The following LARGE1 variants were observed in gnomAD, a reference collection of about 807,000 sequenced individuals.
LARGE1 encodes xylosyl- and glucuronyltransferase LARGE1.
LARGE1 carries 43 observed loss-of-function variants against 87.6 expected under a neutral mutation model. The observed-to-expected ratio is 0.49, with a 90% CI of 0.38 to 0.63. LARGE1 has a LOEUF of 0.63. Ranked by LOEUF, LARGE1 falls within the 30% of genes least tolerant of loss-of-function variation. LARGE1 has a pLI of 0.00. For synonymous variants in LARGE1, 434 were observed against 394.6 expected (o/e 1.10, Z -1.18); for missense variants, 802 against 1,000.2 (o/e 0.80, Z 2.67).
Position 33,880,459 on chromosome 22 carries a change from G to A in LARGE1, c.-83+39536C>T, listed in dbSNP as rs2064642985. 2.6e-5 allele frequency among the ~76,000 whole-genome samples: 4 copies of A among 152,298 alleles called. No individual in the cohort carries two copies. In the South Asian group the frequency reaches 8.3e-4, roughly 32 times the overall value. On this transcript the variant is annotated intron_variant, in intron 1 of 14. Coordinates refer to ENST00000397394, the MANE Select transcript of LARGE1 (RefSeq NM_133642.5). The stretch of plus-strand genomic sequence containing the variant: ...TAATTGAGAAATGTACTATATTCCA[G>A]AGCCAGAAGAGACAGAGATAAGGCC...
chr22:33,768,129 G>A (rs775405622), intron 1 of LARGE1, among the ~76,000 whole-genome samples: 1 of 152,098 alleles, frequency 6.6e-6, no homozygotes, highest in Non-Finnish European at 1.5e-5. Context: ...CTAACACAGT[G>A]AAACCCCATA....
At position 33,672,293 on chromosome 22, in the gene LARGE1, G is replaced by A. The variant is rs1044329774; in HGVS notation, c.107-21625C>T. 5.3e-5 allele frequency among the ~76,000 whole-genome samples: 8 copies of A among 152,158 alleles called. No individual in the cohort carries two copies. The East Asian group carries it at 1.2e-3, about 22-fold the overall frequency. On this transcript the variant is annotated intron_variant, in intron 2 of 14. Transcript: ENST00000397394. The stretch of plus-strand genomic sequence containing the variant: ...TCACAACACCTCCCTCAGAAAAACC[G>A]AAAATTGCAGCAAGAAAAGCTATCC...
At chr22:33,615,777 G>A (rs1346942131) in intron 4 of LARGE1, among the ~76,000 whole-genome samples, 1 of 151,262 alleles carries the variant, frequency 6.6e-6, no homozygotes. Flanking sequence ...TATTTGATAA[G>A]CAACCTGTAT....
At chr22:33,557,633 T>C (rs533104576) in intron 6 of LARGE1, among the ~76,000 whole-genome samples, 1 of 152,344 alleles carries the variant, frequency 6.6e-6, no homozygotes, top group South Asian at 2.1e-4. Context: ...TGGTGCAATC[T>C]TGGCTCACTG....
the LARGE1 span, among the ~76,000 whole-genome samples, chr22:33,077,632 A>G: frequency 6.6e-6 from 1 of 152,176 alleles, no homozygotes; most frequent in Non-Finnish European, 1.5e-5. Context: ...ATAGAAAGAG[A>G]AGGGGTATTT....
chr22:33,488,683 A>G (rs1289473199), intron 6 of LARGE1, among the ~76,000 whole-genome samples: 2 of 152,198 alleles, frequency 1.3e-5, no homozygotes, highest in Non-Finnish European at 2.9e-5. Flanking sequence ...CTCACCTACT[A>G]TCATTTGCCC....
chr22:33,497,105 A>T (rs1363707019), intron 6 of LARGE1, among the ~76,000 whole-genome samples: 7 of 139,002 alleles, frequency 5.0e-5, no homozygotes, highest in Admixed American at 2.3e-4. Flanking sequence ...ACGGAGTCTC[A>T]CTCTGTCACC....
chr22:33,288,807 T>C (rs1932012973), intron 12 of LARGE1, among the ~76,000 whole-genome samples: 1 of 152,166 alleles, frequency 6.6e-6, no homozygotes, highest in Non-Finnish European at 1.5e-5. Context: ...GCTGACACAG[T>C]CTCTTCCTTA....
At chr22:33,313,873 G>C (rs1007287132) in intron 11 of LARGE1, among the ~76,000 whole-genome samples, 9 of 152,172 alleles carry the variant, frequency 5.9e-5, no homozygotes, top group African/African-American at 1.4e-4. Context: ...GACCCATAGT[G>C]GCCACAAGGT....
chr22:33,375,451 C>T (rs2064959973), intron 9 of LARGE1, among the ~76,000 whole-genome samples: 2 of 152,044 alleles, frequency 1.3e-5, no homozygotes, highest in Admixed American at 1.3e-4. Context: ...AGTTTGAGAC[C>T]AGCCTGGCAT....
At chr22:33,561,378 T>C (rs2077854705) in intron 6 of LARGE1, among the ~76,000 whole-genome samples, 1 of 152,174 alleles carries the variant, frequency 6.6e-6, no homozygotes, top group African/African-American at 2.4e-5. Context: ...AGGTGTAAAC[T>C]GAACACAGGT....
intron 1 of LARGE1, among the ~76,000 whole-genome samples, chr22:33,863,594 CAAAA>C (rs530225749): frequency 8.2e-6 from 1 of 122,102 alleles, no homozygotes; most frequent in Non-Finnish European, 1.8e-5. Context: ...CCGTCTCTAC[CAAAA>C]AAAAAAAAAA....
chr22:33,797,046 G>C (rs1311448322), intron 1 of LARGE1, among the ~76,000 whole-genome samples: 1 of 152,210 alleles, frequency 6.6e-6, no homozygotes, highest in Non-Finnish European at 1.5e-5. Flanking sequence ...TCACAGGCGT[G>C]AGCCACCATG....
intron 7 of LARGE1, among the ~76,000 whole-genome samples, chr22:33,408,617 T>C (rs1483726427): frequency 6.6e-6 from 1 of 152,036 alleles, no homozygotes; most frequent in Non-Finnish European, 1.5e-5. Context: ...GCTGTGGCTG[T>C]GAGCCCACAA....
At chr22:33,556,711 G>GAA (rs60477218) in intron 6 of LARGE1, among the ~76,000 whole-genome samples, 41 of 143,398 alleles carry the variant, frequency 2.9e-4, no homozygotes, top group African/African-American at 1.0e-3. Flanking sequence ...TGAAGAACAA[G>GAA]AAAAAAAAAA....
intron 11 of LARGE1, among the ~76,000 whole-genome samples, chr22:33,203,269 C>T (rs535034773): frequency 6.6e-6 from 1 of 152,236 alleles, no homozygotes; most frequent in South Asian, 2.1e-4. Flanking sequence ...ACTTGAAGCT[C>T]ATCTGCTTTC....
chr22:33,722,537 C>T (rs947613861), intron 2 of LARGE1, among the ~76,000 whole-genome samples: 1 of 152,090 alleles, frequency 6.6e-6, no homozygotes, highest in Non-Finnish European at 1.5e-5. Context: ...GTGTTGAGCA[C>T]CTATGATGTG....
chr22:33,381,739 C>T (rs552413590), intron 9 of LARGE1, among the ~76,000 whole-genome samples, 180 bp downstream of exon 9: 10 of 152,110 alleles, frequency 6.6e-5, no homozygotes, highest in African/African-American at 2.4e-4. Context: ...TCCAGAAAGC[C>T]CAAATAAGGG....
At chr22:33,268,410 C>T (rs948161665), downstream of LARGE1, among the ~76,000 whole-genome samples, 1 of 148,376 alleles carries the variant, frequency 6.7e-6, no homozygotes, top group African/African-American at 2.6e-5. Flanking sequence ...TGATGAATAT[C>T]TTAATAGCTG....
Sources: gnomAD v4.1 joint callset for allele counts (sites outside exome capture counted in the v4.1 genomes callset) on GRCh38, gnomAD v4.1.1 for gene constraint, MANE v1.5 for transcripts, NCBI Gene and HGNC (gene_info 2026-07-23, HGNC 2026-07-21) for gene names.